Variants in MS4A14 observed in about 807,000 individuals in gnomAD.
The protein encoded by MS4A14 is membrane spanning 4-domains A14.
Under a neutral mutation model 16.7 loss-of-function variants are expected in MS4A14, and 18 were observed. The ratio of observed to expected loss-of-function variants is 1.08; its 90% confidence interval spans 0.75 to 1.60. The LOEUF (loss-of-function observed/expected upper bound fraction) is 1.60. MS4A14 is among the 40% of genes most tolerant of loss of function. The probability of loss-of-function intolerance (pLI) is 0.00; values close to 1 mark genes in which losing one functional copy is unlikely to be tolerated. For missense variants in MS4A14, 812 were observed against 775.3 expected (o/e 1.05, Z -0.56); for synonymous variants, 305 against 289.4 (o/e 1.05, Z -0.55).
At chr11:60,409,568 TA>T (rs1312799864) in intron 4 of MS4A14, among the ~76,000 whole-genome samples, 2 of 148,392 alleles carry the variant, frequency 1.3e-5, no homozygotes, top group African/African-American at 2.4e-5. Context: ...ATGTAATATA[TA>T]ATGTATATTT....
At chr11:60,405,891 A>T (rs748925721) in intron 4 of MS4A14, 15 of 1,532,290 alleles carry the variant, frequency 9.8e-6, no homozygotes, top group Non-Finnish European at 1.7e-6. Context: ...ATTTGCAGGG[A>T]ATTTTGTTAA....
intron 1 of MS4A14, 59 bp from the exon 2 acceptor site, chr11:60,397,793 G>GATACT: frequency 6.4e-7 from 1 of 1,574,102 alleles, no homozygotes; most frequent in Non-Finnish European, 8.7e-7. Context: ...GAGGGACGTG[G>GATACT]GGTAGCCCAC....
In MS4A14 at chr11:60,396,847, A is replaced by G. The variant is rs1235257580; in HGVS notation, c.138+131A>G. 4.9e-5 allele frequency: 46 copies of G among 946,350 alleles called. 1 individual carries two copies. The highest frequency in any genetic ancestry group is 2.0e-4 in the South Asian group (11 of 54,364). The allele number at this position is 946,350 out of a possible 1,614,324, so 58.6% of individuals were successfully genotyped here. On this transcript the variant is annotated intron_variant, in intron 1 of 4. Coordinates refer to ENST00000300187, the MANE Select transcript of MS4A14 (RefSeq NM_032597.5). ...AATTCTACTTTTCCCCCTTCACCTT[A>G]CATGAGAAATTAGTACTGATCTTTG... is the stretch of plus-strand genomic sequence containing the variant.
chr11:60,417,257 G>A lies in MS4A14; in HGVS notation c.*249G>A, dbSNP rs2085961814. ...GTACACTAGAGACATCAAACCAGGG[G>A]ACATGAAATGTATAGGGCAAACCTC... On this transcript the variant is annotated 3_prime_UTR_variant, in exon 5 of 5. Transcript: ENST00000300187. The A allele has an allele frequency of 2.9e-5, 11 of 378,934 alleles. No individual in the cohort carries two copies. In the East Asian group the frequency reaches 5.5e-4, roughly 19 times the overall value. 23.5% of individuals were successfully genotyped at this position (378,934 alleles called of 1,614,324 possible).
Position 60,396,631 on chromosome 11 carries a change from C to T in MS4A14, c.53C>T (p.Pro18Leu). ...GCAACTCACGTCATCACTATAAAAC[C>T]AAACGAAACTGTATTGACTGCATTT... ...RRATHVITIKPNETVLTAFPY... is the reference protein window; with the variant it reads ...RRATHVITIKLNETVLTAFPY... The change falls in exon 1 of 5, where the codon CCA becomes CTA. Residue 18 changes from proline to leucine, a missense_variant. Coordinates refer to ENST00000300187, the MANE Select transcript of MS4A14 (RefSeq NM_032597.5). The T allele has an allele frequency of 6.2e-7, 1 of 1,613,962 alleles. No homozygotes were observed. The highest frequency in any genetic ancestry group is 8.5e-7 in the Non-Finnish European group (1 of 1,179,924).
intron 3 of MS4A14, 110 bp downstream of exon 3, chr11:60,400,564 C>A: frequency 1.5e-6 from 1 of 672,162 alleles, no homozygotes. Flanking sequence ...CTGTATGCAT[C>A]AAAGTTGCAG....
rs986562042 is a variant in MS4A14, at chr11:60,398,248, A to G, written c.267+268A>G. On this transcript the variant is annotated intron_variant, in intron 2 of 4. Transcript: ENST00000300187. ...CCTCAATACCAACCTGGGAGACTAG[A>G]TGCACAAATATCCTACTTATTCCTT... is the stretch of plus-strand genomic sequence containing the variant. The G allele has an allele frequency of 5.3e-5, 14 of 266,624 alleles. No homozygotes were observed. The South Asian group carries it at 8.1e-4, about 15-fold the overall frequency. The allele number at this position is 266,624 out of a possible 1,614,324, so 16.5% of individuals were successfully genotyped here.
At chr11:60,398,018 AT>A (rs1421822020) in intron 2 of MS4A14, 38 bp downstream of exon 2, 1 of 1,606,618 alleles carries the variant, frequency 6.2e-7, no homozygotes, top group East Asian at 2.2e-5. Flanking sequence ...AGAAATTGCT[AT>A]AAAGATAGAT....
intron 4 of MS4A14, among the ~76,000 whole-genome samples, chr11:60,410,603 G>A (rs912131765): frequency 1.3e-5 from 2 of 152,076 alleles, no homozygotes; most frequent in Non-Finnish European, 2.9e-5. Flanking sequence ...TTGATTTTGA[G>A]TTAATGTTTG....
intron 1 of MS4A14, 82 bp from the exon 2 acceptor site, chr11:60,397,770 G>A: frequency 7.4e-7 from 1 of 1,347,920 alleles, no homozygotes; most frequent in South Asian, 1.4e-5. Context: ...GGTGTGCCAT[G>A]GAGGCACACC....
At chr11:60,404,526 T>C (rs1159211745) in intron 4 of MS4A14, 1 of 456,954 alleles carries the variant, frequency 2.2e-6, no homozygotes, top group Non-Finnish European at 4.4e-6. Flanking sequence ...ATCCTACCTA[T>C]CTTTCCAACA....
intron 4 of MS4A14, among the ~76,000 whole-genome samples, chr11:60,413,377 A>T (rs2085894990): frequency 1.3e-5 from 1 of 79,964 alleles, no homozygotes; most frequent in Admixed American, 1.3e-4. Flanking sequence ...TGATGAAAAT[A>T]GCAATCTTTC....
chr11:60,399,184 AC>A (rs1429116664), intron 2 of MS4A14, among the ~76,000 whole-genome samples: 1 of 152,122 alleles, frequency 6.6e-6, no homozygotes, highest in Non-Finnish European at 1.5e-5. Context: ...GTCAAAAGTA[AC>A]CCCAAATATT....
At chr11:60,408,462 G>C (rs531477397) in intron 4 of MS4A14, among the ~76,000 whole-genome samples, 25 of 152,048 alleles carry the variant, frequency 1.6e-4, no homozygotes, top group Admixed American at 4.6e-4. Context: ...ATCACTCCCC[G>C]ATTCCCCTCC....
At chr11:60,403,273 C>T in intron 4 of MS4A14, 1 of 542,072 alleles carries the variant, frequency 1.8e-6, no homozygotes, top group South Asian at 2.0e-5. Flanking sequence ...GTCACCTTGG[C>T]CTAATATTGT....
At chr11:60,401,208 C>T (rs2085708504) in intron 3 of MS4A14, among the ~76,000 whole-genome samples, 1 of 152,196 alleles carries the variant, frequency 6.6e-6, no homozygotes, top group Admixed American at 6.5e-5. Context: ...TTTCTAACCA[C>T]TCTGATCTTG....
intron 2 of MS4A14, among the ~76,000 whole-genome samples, chr11:60,399,150 A>G (rs952053962): frequency 2.6e-5 from 4 of 152,216 alleles, no homozygotes; most frequent in Non-Finnish European, 4.4e-5. Context: ...TTTGTCATCT[A>G]ACTGGGAGAC....
chr11:60,408,778 T>C (rs1411708649), intron 4 of MS4A14, among the ~76,000 whole-genome samples: 2 of 152,142 alleles, frequency 1.3e-5, no homozygotes, highest in African/African-American at 2.4e-5. Flanking sequence ...TGTAAAAATA[T>C]CTGCTCAAGT....
intron 4 of MS4A14, among the ~76,000 whole-genome samples, chr11:60,407,245 T>C: frequency 6.6e-6 from 1 of 152,140 alleles, no homozygotes; most frequent in Non-Finnish European, 1.5e-5. Flanking sequence ...GCTCTCAAAC[T>C]CCTTGGCTCA....
Sources: allele counts gnomAD v4.1 joint callset (sites outside exome capture counted in the v4.1 genomes callset), GRCh38; gene constraint gnomAD v4.1.1; transcripts MANE v1.5; gene names NCBI Gene and HGNC (gene_info 2026-07-23, HGNC 2026-07-21).